The following ELMO1 variants were observed in gnomAD, a reference collection of about 807,000 sequenced individuals.
ELMO1 encodes the protein engulfment and cell motility protein 1.
ELMO1 carries 26 observed loss-of-function variants against 98.9 expected under a neutral mutation model. That is an observed-to-expected ratio of 0.26 (90% CI 0.19 to 0.36). ELMO1 has a LOEUF of 0.36. ELMO1 is among the 10% of genes least tolerant of loss of function. The pLI is 1.00. For synonymous variants in ELMO1, 346 were observed against 346.0 expected, an observed-to-expected ratio of 1.00 and a Z score of 0.00; for missense variants, 627 against 935.2, an observed-to-expected ratio of 0.67 and a Z score of 4.30.
chr7:37,213,520 A>T lies in ELMO1; in HGVS notation c.832-63T>A. The T allele has an allele frequency of 2.0e-6, 3 of 1,492,552 alleles. No individual in the cohort carries two copies. The Admixed American group carries it at 6.0e-5, about 30-fold the overall frequency. 92.5% of individuals were successfully genotyped at this position (1,492,552 alleles called of 1,614,324 possible). Reference sequence around the variant, plus strand: ...GAAAGAAAAGGAAACAACTAGAATTAACACTCAAGAAGGCTCTCACAGTCT... The same window carrying T: ...GAAAGAAAAGGAAACAACTAGAATTTACACTCAAGAAGGCTCTCACAGTCT... On this transcript the variant is annotated intron_variant, in intron 11 of 21. Coordinates refer to ENST00000310758, the MANE Select transcript of ELMO1 (RefSeq NM_014800.11).
At chr7:37,069,640 C>A (rs1385356651) in intron 15 of ELMO1, among the ~76,000 whole-genome samples, 1 of 152,172 alleles carries the variant, frequency 6.6e-6, no homozygotes, top group Non-Finnish European at 1.5e-5. Flanking sequence ...TATTTCATAA[C>A]AAGCACTTTT....
chr7:36,997,413 G>A (rs1193281616), intron 16 of ELMO1, among the ~76,000 whole-genome samples: 1 of 152,102 alleles, frequency 6.6e-6, no homozygotes, highest in Non-Finnish European at 1.5e-5. Context: ...AATGGTGCAG[G>A]AAAGTGGAGT....
At chr7:37,079,791 T>C (rs887348165) in intron 15 of ELMO1, among the ~76,000 whole-genome samples, 1 of 152,142 alleles carries the variant, frequency 6.6e-6, no homozygotes, top group South Asian at 2.1e-4. Flanking sequence ...CCCAGCCTCC[T>C]CTTCTCCCCA....
Position 37,165,137 on chromosome 7 carries a change from C to T in ELMO1, c.1087-31903G>A, listed in dbSNP as rs191529787. 4.0e-3 allele frequency among the ~76,000 whole-genome samples: 601 copies of T among 151,946 alleles called. 11 individuals carry two copies. The East Asian group carries it at 0.061, about 15-fold the overall frequency. ...TTCACTCATGATTTGGCTCTCTGTT[C>T]GTCTGTTATTGGTATACAAGAATGC... On this transcript the variant is annotated intron_variant, in intron 13 of 21. Coordinates refer to ENST00000310758, the MANE Select transcript of ELMO1 (RefSeq NM_014800.11).
rs182274481 is a variant in ELMO1, at chr7:37,438,166, T to A, written c.-74+10509A>T. 2.0e-4 allele frequency among the ~76,000 whole-genome samples: 30 copies of A among 152,250 alleles called. No homozygotes were observed. The East Asian group carries it at 4.6e-3, about 23-fold the overall frequency. On this transcript the variant is annotated intron_variant, in intron 1 of 21. Transcript: ENST00000310758. ...CTCTTGTTTTCTTGAAGAAAAGACATATAAAGCAAACTAATTCTAGTCAAG... is the reference window on the plus strand; with the variant it reads ...CTCTTGTTTTCTTGAAGAAAAGACAAATAAAGCAAACTAATTCTAGTCAAG...
chr7:37,223,137 T>G (rs1793689326), intron 9 of ELMO1, among the ~76,000 whole-genome samples: 2 of 152,234 alleles, frequency 1.3e-5, no homozygotes, highest in African/African-American at 4.8e-5. Flanking sequence ...ATGGCTCTAT[T>G]ATATATTCTA....
At chr7:37,233,300 C>G in intron 7 of ELMO1, 106 bp from the exon 8 acceptor site, 1 of 918,016 alleles carries the variant, frequency 1.1e-6, no homozygotes, top group Non-Finnish European at 1.6e-6. Context: ...TTTAAAAGAT[C>G]AAGAGACAAA....
intron 16 of ELMO1, among the ~76,000 whole-genome samples, chr7:36,902,705 G>T (rs1347395426): frequency 6.6e-6 from 1 of 152,216 alleles, no homozygotes; most frequent in Non-Finnish European, 1.5e-5. Flanking sequence ...GGTGTCTTTG[G>T]TAAGTGATGG....
At chr7:36,990,788 C>T (rs757155369) in intron 16 of ELMO1, among the ~76,000 whole-genome samples, 24 of 151,886 alleles carry the variant, frequency 1.6e-4, no homozygotes, top group Admixed American at 3.3e-4. Context: ...GAATGTTAGG[C>T]GGTATACATG....
intron 15 of ELMO1, among the ~76,000 whole-genome samples, chr7:37,053,192 T>C (rs761536071): frequency 6.6e-6 from 1 of 151,806 alleles, no homozygotes; most frequent in Non-Finnish European, 1.5e-5. Context: ...AACTCTAACT[T>C]GAATCATAGC....
intron 15 of ELMO1, among the ~76,000 whole-genome samples, chr7:37,043,311 G>A (rs896270306): frequency 6.6e-6 from 1 of 152,196 alleles, no homozygotes; most frequent in South Asian, 2.1e-4. Context: ...AGCAGTTCTC[G>A]TCCCTGTGCC....
At chr7:36,929,824 T>C (rs1785887549) in intron 16 of ELMO1, among the ~76,000 whole-genome samples, 1 of 152,206 alleles carries the variant, frequency 6.6e-6, no homozygotes, top group African/African-American at 2.4e-5. Flanking sequence ...GTGAGTCCCC[T>C]GGAAACAAGC....
intron 20 of ELMO1, among the ~76,000 whole-genome samples, chr7:36,863,996 C>T (rs536733254): frequency 1.3e-5 from 2 of 152,292 alleles, no homozygotes; most frequent in African/African-American, 2.4e-5. Context: ...GTGAGCTTTG[C>T]TTCTGAACAA....
At chr7:37,403,910 T>C (rs1803639481) in intron 1 of ELMO1, among the ~76,000 whole-genome samples, 1 of 152,164 alleles carries the variant, frequency 6.6e-6, no homozygotes, top group African/African-American at 2.4e-5. Context: ...TGAACTGTTG[T>C]TGTTCATTCA....
At chr7:36,997,228 C>A (rs549064567) in intron 16 of ELMO1, among the ~76,000 whole-genome samples, 1 of 152,274 alleles carries the variant, frequency 6.6e-6, no homozygotes, top group Admixed American at 6.5e-5. Context: ...GGAATGATTT[C>A]TTTTAAGACC....
At chr7:37,220,249 C>T (rs1054255472) in intron 10 of ELMO1, among the ~76,000 whole-genome samples, 1 of 152,148 alleles carries the variant, frequency 6.6e-6, no homozygotes, top group African/African-American at 2.4e-5. Context: ...TTTTGATGAA[C>T]AACATTCTTA....
chr7:37,191,857 G>A (rs1791604351), intron 13 of ELMO1, among the ~76,000 whole-genome samples: 1 of 152,222 alleles, frequency 6.6e-6, no homozygotes, highest in Admixed American at 6.5e-5. Context: ...GAAGGAGGTT[G>A]CAGTGAGCCA....
chr7:37,213,504 G>A, intron 11 of ELMO1, 47 bp from the exon 12 acceptor site: 1 of 1,549,606 alleles, frequency 6.5e-7, no homozygotes, highest in Non-Finnish European at 8.7e-7. Context: ...AGAAAGAAAA[G>A]GAAACAACTA....
chr7:37,065,179 C>T (rs1013111439), intron 15 of ELMO1, among the ~76,000 whole-genome samples: 1 of 151,508 alleles, frequency 6.6e-6, no homozygotes, highest in Admixed American at 6.6e-5. Flanking sequence ...TCATGGCTAC[C>T]CCCACCCTTT....
Sources: gnomAD v4.1 joint callset for allele counts (sites outside exome capture counted in the v4.1 genomes callset) on GRCh38, gnomAD v4.1.1 for gene constraint, MANE v1.5 for transcripts, NCBI Gene and HGNC (gene_info 2026-07-23, HGNC 2026-07-21) for gene names.